The following ALCAM variants were observed in gnomAD, a reference collection of about 807,000 sequenced individuals.
The protein encoded by ALCAM is CD166 antigen.
A neutral mutation model predicts 70.9 loss-of-function variants in ALCAM; 30 were observed. The ratio of observed to expected loss-of-function variants is 0.42; its 90% CI spans 0.32 to 0.57. ALCAM has a LOEUF of 0.57. Among genes scored for constraint, ALCAM ranks in the 20% least tolerant of loss-of-function variants. The pLI is 0.11. For synonymous variants in ALCAM, 249 were observed against 242.5 expected, an observed-to-expected ratio of 1.03 and a Z score of -0.25; for missense variants, 591 against 695.1, an observed-to-expected ratio of 0.85 and a Z score of 1.68.
rs79902548 is a variant in ALCAM at position 105,425,724 on chromosome 3, C to T, written c.73+58243C>T. On this transcript the variant is annotated intron_variant, in intron 1 of 15. Transcript: ENST00000306107. The stretch of plus-strand genomic sequence containing the variant: ...TATGTATGTAGCAAAAATATTAATA[C>T]GGCTGCTACTAGGGATTTTCACTGG... 4.4e-4 allele frequency among the ~76,000 whole-genome samples: 67 copies of T among 150,722 alleles called. No homozygotes were observed. The East Asian group carries it at 6.9e-3, about 15-fold the overall frequency.
chr3:105,475,787 T>C (rs1208930592), intron 1 of ALCAM, among the ~76,000 whole-genome samples: 1 of 151,940 alleles, frequency 6.6e-6, no homozygotes, highest in Non-Finnish European at 1.5e-5. Context: ...TACACGCTTG[T>C]GTACACCCTT....
intron 1 of ALCAM, among the ~76,000 whole-genome samples, chr3:105,418,129 T>G (rs1424303610): frequency 2.0e-5 from 3 of 151,846 alleles, no homozygotes; most frequent in Non-Finnish European, 4.4e-5. Context: ...GCTGTGGTCT[T>G]TCTTACAAAG....
intron 6 of ALCAM, among the ~76,000 whole-genome samples, chr3:105,539,031 A>C (rs76226033): frequency 8.1e-4 from 123 of 152,168 alleles, no homozygotes; most frequent in Non-Finnish European, 1.5e-3. Context: ...TAATAAAAAA[A>C]ATAGGTTTTC....
At chr3:105,372,861 C>T (rs1345649078) in intron 1 of ALCAM, among the ~76,000 whole-genome samples, 1 of 152,054 alleles carries the variant, frequency 6.6e-6, no homozygotes, top group Non-Finnish European at 1.5e-5. Context: ...TGAAACTAAA[C>T]CTTTGCAATC....
At chr3:105,367,564 G>A in intron 1 of ALCAM, 83 bp downstream of exon 1, 1 of 1,521,836 alleles carries the variant, frequency 6.6e-7, no homozygotes, top group African/African-American at 1.4e-5. Flanking sequence ...TCGCACCCCC[G>A]AGGCAGTGCG....
chr3:105,497,235 T>A (rs1019185326), intron 1 of ALCAM, among the ~76,000 whole-genome samples: 3 of 152,142 alleles, frequency 2.0e-5, no homozygotes, highest in Admixed American at 1.3e-4. Flanking sequence ...CAAGAAATAA[T>A]TTTTCTTTAA....
chr3:105,367,509 G>C (rs565806947), intron 1 of ALCAM, 28 bp downstream of exon 1: 107 of 1,613,276 alleles, frequency 6.6e-5, no homozygotes, highest in Non-Finnish European at 9.0e-5. Flanking sequence ...AGCAGCCCCA[G>C]ACAGACGTGG....
chr3:105,506,991 G>C lies in ALCAM; in HGVS notation c.74-13076G>C, dbSNP rs141660004. On this transcript the variant is annotated intron_variant, in intron 1 of 15. Coordinates refer to ENST00000306107, the MANE Select transcript of ALCAM (RefSeq NM_001627.4). ...CAAAGCTTTGCCCTTGAAGATGTTT[G>C]TGTCCTTCCCTCTCCCTATACCAGT... is the stretch of plus-strand genomic sequence containing the variant. Among the ~76,000 whole-genome samples the C allele has an allele frequency of 8.5e-5, 13 of 152,306 alleles. No individual in the cohort carries two copies. In the East Asian group the frequency reaches 2.5e-3, roughly 29 times the overall value.
intron 1 of ALCAM, among the ~76,000 whole-genome samples, chr3:105,419,459 A>G (rs1936590388): frequency 6.6e-6 from 1 of 151,826 alleles, no homozygotes; most frequent in Admixed American, 6.6e-5. Context: ...GAAAATGAGG[A>G]AGTACATCAA....
intron 1 of ALCAM, among the ~76,000 whole-genome samples, chr3:105,496,488 A>G (rs1938742182): frequency 6.6e-6 from 1 of 152,016 alleles, no homozygotes; most frequent in Admixed American, 6.6e-5. Flanking sequence ...TGCTAACACT[A>G]AACAGGCTGT....
chr3:105,537,177 G>C (rs1939992113), intron 6 of ALCAM, among the ~76,000 whole-genome samples: 1 of 152,044 alleles, frequency 6.6e-6, no homozygotes, highest in Admixed American at 6.6e-5. Flanking sequence ...CAGTAACGAG[G>C]TTTTAGAGAA....
At chr3:105,378,971 T>C (rs1316090693) in intron 1 of ALCAM, among the ~76,000 whole-genome samples, 1 of 151,998 alleles carries the variant, frequency 6.6e-6, no homozygotes, top group Non-Finnish European at 1.5e-5. Flanking sequence ...TTGATCTTCA[T>C]GAACTGTCTA....
At chr3:105,533,819 A>G (rs1939904451) in intron 5 of ALCAM, 129 bp downstream of exon 5, 2 of 745,654 alleles carry the variant, frequency 2.7e-6, no homozygotes, top group East Asian at 5.6e-5. Flanking sequence ...ATGGAAGACA[A>G]TTTTTCTTTG....
At chr3:105,479,149 A>G (rs953898380) in intron 1 of ALCAM, among the ~76,000 whole-genome samples, 3 of 152,186 alleles carry the variant, frequency 2.0e-5, no homozygotes, top group South Asian at 2.1e-4. Flanking sequence ...TTCATATTCT[A>G]TCTGACTTCA....
chr3:105,504,484 G>A (rs1238966305), intron 1 of ALCAM, among the ~76,000 whole-genome samples: 1 of 152,194 alleles, frequency 6.6e-6, no homozygotes, highest in Non-Finnish European at 1.5e-5. Context: ...GGATGAAGTG[G>A]GAAGGTTTTC....
At chr3:105,513,438 TGGG>T in intron 1 of ALCAM, 1 of 131,230 alleles carries the variant, frequency 7.6e-6, no homozygotes, top group East Asian at 3.0e-4. Context: ...AAATAGCTTT[TGGG>T]GGGACAATTT....
intron 1 of ALCAM, among the ~76,000 whole-genome samples, chr3:105,384,144 G>T (rs1576124104): frequency 1.3e-5 from 2 of 151,656 alleles, no homozygotes; most frequent in African/African-American, 4.8e-5. Context: ...TATTGAAAGA[G>T]AACTTTAAAA....
chr3:105,569,938 A>G (rs2152635965), intron 14 of ALCAM, among the ~76,000 whole-genome samples: 1 of 152,292 alleles, frequency 6.6e-6, no homozygotes, highest in South Asian at 2.1e-4. Flanking sequence ...GGAGCAAGCC[A>G]AAGGTAGACC....
intron 3 of ALCAM, among the ~76,000 whole-genome samples, chr3:105,529,262 A>T (rs1044793978): frequency 2.0e-5 from 3 of 152,228 alleles, no homozygotes; most frequent in Non-Finnish European, 4.4e-5. Flanking sequence ...ATTTGGCTTA[A>T]ATCATTGCCC....
Sources: gnomAD v4.1 joint callset for allele counts (sites outside exome capture counted in the v4.1 genomes callset) on GRCh38, gnomAD v4.1.1 for gene constraint, MANE v1.5 for transcripts, NCBI Gene and HGNC (gene_info 2026-07-23, HGNC 2026-07-21) for gene names.